Variants in TMEM135 observed in about 807,000 individuals in gnomAD.
TMEM135 encodes the protein peroxisomal membrane protein 52.
TMEM135 carries 30 observed loss-of-function variants against 60.3 expected under a neutral mutation model. That is an observed-to-expected ratio of 0.50 (90% CI 0.37 to 0.68). The LOEUF (loss-of-function observed/expected upper bound fraction) is 0.68, where lower values mean the gene tolerates loss of function less well. Ranked by LOEUF, TMEM135 falls within the 30% of genes least tolerant of loss-of-function variation. The pLI is 0.00. For synonymous variants in TMEM135, 190 were observed against 186.7 expected (o/e 1.02, Z -0.14); for missense variants, 468 against 548.8 (o/e 0.85, Z 1.47).
At chr11:87,194,719 C>G (rs1180984110) in intron 5 of TMEM135, among the ~76,000 whole-genome samples, 2 of 151,640 alleles carry the variant, frequency 1.3e-5, no homozygotes, top group Non-Finnish European at 2.9e-5. Flanking sequence ...TTCCATAATT[C>G]TCTTTGAAGT....
chr11:87,263,158 G>A (rs936784499), intron 6 of TMEM135, among the ~76,000 whole-genome samples: 8 of 152,112 alleles, frequency 5.3e-5, no homozygotes, highest in African/African-American at 1.9e-4. Flanking sequence ...GGTGTATGTG[G>A]TCCTATTTGG....
chr11:87,043,008 T>C (rs1012253236), intron 1 of TMEM135, among the ~76,000 whole-genome samples: 15 of 149,714 alleles, frequency 1.0e-4, no homozygotes, highest in South Asian at 2.1e-4. Context: ...CAGGCTGGAG[T>C]GCAGTGGTGT....
At chr11:87,305,224 T>A (rs1416964771) in intron 8 of TMEM135, among the ~76,000 whole-genome samples, 2 of 152,176 alleles carry the variant, frequency 1.3e-5, no homozygotes, top group Non-Finnish European at 2.9e-5. Context: ...ATGGATGATT[T>A]ATTACCAATA....
intron 6 of TMEM135, among the ~76,000 whole-genome samples, chr11:87,269,798 T>C (rs1941829394): frequency 6.6e-6 from 1 of 150,748 alleles, no homozygotes; most frequent in Admixed American, 6.7e-5. Flanking sequence ...AGTGCCGCAA[T>C]AAACATACGT....
intron 6 of TMEM135, among the ~76,000 whole-genome samples, chr11:87,268,989 A>G (rs1319046436): frequency 4.6e-5 from 7 of 151,850 alleles, no homozygotes; most frequent in African/African-American, 1.7e-4. Flanking sequence ...TTTTTACCTT[A>G]AAAATAACAA....
Position 87,324,855 on chromosome 11 carries a change from C to T in TMEM135, c.*3522C>T, listed in dbSNP as rs1406026969. The T allele has an allele frequency of 4.4e-6, 2 of 453,750 alleles. No homozygotes were observed. Among genetic ancestry groups the T allele is most frequent in the African/African-American group, 4.0e-5 (2 of 49,952 alleles). The allele number at this position is 453,750 out of a possible 1,614,324, so 28.1% of individuals were successfully genotyped here. Reference sequence around the variant, plus strand: ...ATAAACATTCTCTCTCCTAACACCTCCTTCTAGTAATCATTTTCACATAGT... The same window carrying T: ...ATAAACATTCTCTCTCCTAACACCTTCTTCTAGTAATCATTTTCACATAGT... On this transcript the variant is annotated 3_prime_UTR_variant, in exon 15 of 15. Transcript: ENST00000305494.
intron 6 of TMEM135, among the ~76,000 whole-genome samples, chr11:87,283,597 G>A (rs1158557343): frequency 3.1e-5 from 4 of 129,234 alleles, no homozygotes; most frequent in Non-Finnish European, 5.4e-5. Context: ...GGTGGCTCAC[G>A]CCTTGTAATG....
At chr11:87,116,116 A>G (rs575142650) in intron 4 of TMEM135, among the ~76,000 whole-genome samples, 1 of 152,248 alleles carries the variant, frequency 6.6e-6, no homozygotes, top group East Asian at 1.9e-4. Context: ...TATAGTTTCC[A>G]TTCCAGTTTG....
rs1246381329 is a variant in TMEM135, at chr11:87,084,327, G to T, written c.363-7035G>T. Among the ~76,000 whole-genome samples, 377 of 126,876 alleles carry T rather than the reference G, an allele frequency of 3.0e-3. 1 individual carries two copies. The highest frequency in any genetic ancestry group is 0.011 in the African/African-American group (354 of 33,488). 83.2% of individuals were successfully genotyped at this position (126,876 alleles called of 152,430 possible). On this transcript the variant is annotated intron_variant, in intron 3 of 14. Coordinates refer to ENST00000305494, the MANE Select transcript of TMEM135 (RefSeq NM_022918.4). ...TAGCAGTGGTTCTTTTTTTTTTTTTGAGACAGAGTTTCACTTGTCATCTAG... is the reference window on the plus strand; with the variant it reads ...TAGCAGTGGTTCTTTTTTTTTTTTTTAGACAGAGTTTCACTTGTCATCTAG...
At chr11:87,203,462 C>T (rs530602938) in intron 5 of TMEM135, among the ~76,000 whole-genome samples, 18 of 152,274 alleles carry the variant, frequency 1.2e-4, no homozygotes, top group African/African-American at 4.3e-4. Context: ...CAATATGCAG[C>T]CTTTTCAGAT....
At chr11:87,054,382 C>G (rs1458190724) in intron 1 of TMEM135, among the ~76,000 whole-genome samples, 3 of 152,008 alleles carry the variant, frequency 2.0e-5, no homozygotes, top group Admixed American at 6.6e-5. Flanking sequence ...TGCGATGAGC[C>G]TAGATTGCGC....
intron 6 of TMEM135, among the ~76,000 whole-genome samples, chr11:87,246,810 G>T (rs907800692): frequency 8.6e-6 from 1 of 116,116 alleles, no homozygotes; most frequent in African/African-American, 3.3e-5. Context: ...TCCTCCTGTA[G>T]CTCAGAGTAG....
chr11:87,061,016 A>T (rs748360779), intron 1 of TMEM135, among the ~76,000 whole-genome samples: 1 of 152,118 alleles, frequency 6.6e-6, no homozygotes, highest in African/African-American at 2.4e-5. Flanking sequence ...AAATGAGGAG[A>T]TTGAAATCTA....
intron 5 of TMEM135, among the ~76,000 whole-genome samples, chr11:87,191,771 G>C (rs1466670746): frequency 6.6e-6 from 1 of 152,016 alleles, no homozygotes; most frequent in Non-Finnish European, 1.5e-5. Context: ...CTTGTTTTTA[G>C]GTTTGGGGAT....
At position 87,277,631 on chromosome 11, in the gene TMEM135, C is replaced by T. The variant is rs1941991764; in HGVS notation, c.510-18151C>T. The stretch of plus-strand genomic sequence containing the variant: ...CCACTTCCTGGGTTCAATCAATTCT[C>T]CTGCCTCAGCCTCCCTAGTAATTGG... On this transcript the variant is annotated intron_variant, in intron 6 of 14. Coordinates refer to ENST00000305494, the MANE Select transcript of TMEM135 (RefSeq NM_022918.4). Among the ~76,000 whole-genome samples, 5 of 151,880 alleles carry T rather than the reference C, an allele frequency of 3.3e-5. No individual in the cohort carries two copies. The South Asian group carries it at 6.3e-4, about 19-fold the overall frequency.
intron 5 of TMEM135, among the ~76,000 whole-genome samples, chr11:87,225,051 G>T (rs539317304): frequency 6.6e-6 from 1 of 152,122 alleles, no homozygotes; most frequent in Non-Finnish European, 1.5e-5. Flanking sequence ...TCATTGTATA[G>T]GTAACGAGCT....
intron 5 of TMEM135, among the ~76,000 whole-genome samples, chr11:87,203,183 T>C (rs1039032694): frequency 6.6e-6 from 1 of 152,096 alleles, no homozygotes; most frequent in Non-Finnish European, 1.5e-5. Context: ...CTTGTTACAA[T>C]TGATAAACCT....
At chr11:87,118,081 A>ATT (rs34946498) in intron 4 of TMEM135, among the ~76,000 whole-genome samples, 30 of 151,032 alleles carry the variant, frequency 2.0e-4, no homozygotes, top group Non-Finnish European at 3.5e-4. Context: ...TTTGAAAGGA[A>ATT]TTTTTTTTTT....
In TMEM135 at chr11:87,164,232, G is replaced by A. The variant is rs1397014775; in HGVS notation, c.462+6826G>A. 5.0e-5 allele frequency among the ~76,000 whole-genome samples: 6 copies of A among 119,824 alleles called. 1 individual carries two copies. The highest frequency in any genetic ancestry group is 2.0e-4 in the African/African-American group (6 of 29,440). 78.6% of individuals were successfully genotyped at this position (119,824 alleles called of 152,430 possible). A position where few individuals can be genotyped will look rare whatever the true frequency, so the allele number is the denominator to read the frequency against. On this transcript the variant is annotated intron_variant, in intron 5 of 14. Transcript: ENST00000305494. ...ATTTTTGTATAAGGTGTAAGAAAGG[G>A]ATCCAGTTTCAGCTTTCTACATATG...
Sources: gnomAD v4.1 joint callset for allele counts (sites outside exome capture counted in the v4.1 genomes callset) on GRCh38, gnomAD v4.1.1 for gene constraint, MANE v1.5 for transcripts, NCBI Gene and HGNC (gene_info 2026-07-23, HGNC 2026-07-21) for gene names.